The following USP34 variants were observed in gnomAD, a reference collection of about 807,000 sequenced individuals.
USP34 encodes ubiquitin carboxyl-terminal hydrolase 34.
In USP34, 70 loss-of-function variants were observed where a neutral mutation model predicts 460.3. The ratio of observed to expected loss-of-function variants is 0.15; its 90% CI spans 0.13 to 0.19. The LOEUF is 0.19. Among genes scored for constraint, USP34 ranks in the 10% least tolerant of loss-of-function variants. The pLI is 1.00. For synonymous variants in USP34, 1,647 were observed against 1,405.3 expected, an observed-to-expected ratio of 1.17 and a Z score of -3.85; for missense variants, 3,985 against 4,236.2, an observed-to-expected ratio of 0.94 and a Z score of 1.65.
intron 1 of USP34, among the ~76,000 whole-genome samples, chr2:61,426,534 C>G (rs577797581): frequency 3.9e-5 from 6 of 152,236 alleles, no homozygotes; most frequent in African/African-American, 1.4e-4. Flanking sequence ...AAGTACCAGT[C>G]CTGTGGTTTG....
chr2:61,379,330 C>A (rs1360635943), intron 7 of USP34, among the ~76,000 whole-genome samples: 1 of 152,112 alleles, frequency 6.6e-6, no homozygotes, highest in East Asian at 1.9e-4. Context: ...ACCAGCCTGG[C>A]CAACACGGTA....
At chr2:61,446,652 C>G (rs976241158) in intron 1 of USP34, among the ~76,000 whole-genome samples, 1 of 151,898 alleles carries the variant, frequency 6.6e-6, no homozygotes, top group Non-Finnish European at 1.5e-5. Context: ...AAAAATTAGC[C>G]AGGTGTAGTG....
At chr2:61,328,405 T>A (rs544665374) in intron 20 of USP34, among the ~76,000 whole-genome samples, 2 of 151,958 alleles carry the variant, frequency 1.3e-5, no homozygotes, top group Non-Finnish European at 2.9e-5. Flanking sequence ...AGAATCTTTT[T>A]CCCCCCTCGG....
intron 21 of USP34, among the ~76,000 whole-genome samples, chr2:61,323,251 C>T (rs1386272635): frequency 1.3e-5 from 2 of 152,178 alleles, no homozygotes; most frequent in African/African-American, 2.4e-5. Context: ...GCGGCTCACG[C>T]CTGTAATCCC....
intron 5 of USP34, among the ~76,000 whole-genome samples, chr2:61,383,636 G>A (rs781342878): frequency 4.3e-4 from 61 of 142,426 alleles, no homozygotes; most frequent in South Asian, 8.5e-4. Context: ...CCCCACCCCC[G>A]GGGGGGGCGG....
chr2:61,345,711 T>C (rs973433217), intron 15 of USP34, among the ~76,000 whole-genome samples: 1 of 152,182 alleles, frequency 6.6e-6, no homozygotes, highest in African/African-American at 2.4e-5. Context: ...CACCACTCAC[T>C]GCAGTCTTGA....
chr2:61,304,942 A>T (rs1293912438), intron 27 of USP34, among the ~76,000 whole-genome samples: 1 of 152,196 alleles, frequency 6.6e-6, no homozygotes, highest in Non-Finnish European at 1.5e-5. Flanking sequence ...GACAAAATGA[A>T]ATCTCAAAAA....
intron 16 of USP34, among the ~76,000 whole-genome samples, chr2:61,340,248 T>C (rs1313960204): frequency 6.6e-6 from 1 of 152,174 alleles, no homozygotes; most frequent in Admixed American, 6.5e-5. Context: ...TAATTTACCC[T>C]TAACATTCAA....
chr2:61,412,516 T>C (rs778218182), intron 2 of USP34, among the ~76,000 whole-genome samples: 42 of 152,102 alleles, frequency 2.8e-4, no homozygotes, highest in South Asian at 2.1e-4. Context: ...ATTAAAATTA[T>C]AGCAATTTGT....
chr2:61,445,644 A>G (rs1255415940), intron 1 of USP34, among the ~76,000 whole-genome samples: 1 of 151,990 alleles, frequency 6.6e-6, no homozygotes, highest in Non-Finnish European at 1.5e-5. Flanking sequence ...CTAAATTAAC[A>G]TAAACTGTAT....
intron 48 of USP34, among the ~76,000 whole-genome samples, chr2:61,252,767 G>A (rs1290992173): frequency 1.3e-5 from 2 of 152,154 alleles, no homozygotes; most frequent in Non-Finnish European, 2.9e-5. Context: ...CAATTCTGAA[G>A]AATAACTAAT....
intron 38 of USP34, 38 bp from the exon 39 acceptor site, chr2:61,280,386 A>T: frequency 1.0e-6 from 1 of 995,358 alleles, no homozygotes; most frequent in Non-Finnish European, 1.4e-6. Flanking sequence ...AAACATTTTA[A>T]AAATAAATAA....
intron 2 of USP34, among the ~76,000 whole-genome samples, chr2:61,414,338 T>G (rs1187070810): frequency 6.6e-6 from 1 of 151,516 alleles, no homozygotes; most frequent in Non-Finnish European, 1.5e-5. Flanking sequence ...TCCAAAGCAA[T>G]ACTGGAACCT....
At chr2:61,241,102 T>A (rs753019304) in intron 53 of USP34, among the ~76,000 whole-genome samples, 1 of 152,114 alleles carries the variant, frequency 6.6e-6, no homozygotes, top group Non-Finnish European at 1.5e-5. Flanking sequence ...TGGAGTGCAG[T>A]GGTGTGATCT....
chr2:61,359,930 G>A (rs1375078800), intron 10 of USP34, among the ~76,000 whole-genome samples: 1 of 151,430 alleles, frequency 6.6e-6, no homozygotes, highest in African/African-American at 2.4e-5. Context: ...GACTACAGGC[G>A]CCCACCACCA....
At chr2:61,458,125 A>T (rs1414381388) in intron 1 of USP34, among the ~76,000 whole-genome samples, 1 of 152,210 alleles carries the variant, frequency 6.6e-6, no homozygotes, top group Non-Finnish European at 1.5e-5. Flanking sequence ...AGAATAAAAA[A>T]ATTACAGTTG....
chr2:61,300,583 G>A (rs994649338), intron 29 of USP34, among the ~76,000 whole-genome samples: 2 of 150,838 alleles, frequency 1.3e-5, no homozygotes, highest in Non-Finnish European at 3.0e-5. Flanking sequence ...GGATCATGAG[G>A]TCAGGAGTTC....
chr2:61,242,784 A>C (rs1572864774), intron 51 of USP34, among the ~76,000 whole-genome samples: 1 of 152,322 alleles, frequency 6.6e-6, no homozygotes, highest in South Asian at 2.1e-4. Flanking sequence ...GAAGCAGACA[A>C]GCAGCATTAT....
At chr2:61,392,719 G>A (rs1223051609) in intron 5 of USP34, among the ~76,000 whole-genome samples, 1 of 152,302 alleles carries the variant, frequency 6.6e-6, no homozygotes. Flanking sequence ...ATACTAGACT[G>A]TTAAACAAGA....
Sources: allele counts gnomAD v4.1 joint callset (sites outside exome capture counted in the v4.1 genomes callset), GRCh38; gene constraint gnomAD v4.1.1; transcripts MANE v1.5; gene names NCBI Gene and HGNC (gene_info 2026-07-23, HGNC 2026-07-21).